The following POT1 variants were observed in gnomAD, a reference collection of about 807,000 sequenced individuals.
The protein encoded by POT1 is protection of telomeres 1.
Under a neutral mutation model 78.5 loss-of-function variants are expected in POT1, and 47 were observed. That is an observed-to-expected ratio of 0.60 (90% CI 0.47 to 0.76). POT1 has a LOEUF of 0.76. Ranked by LOEUF, POT1 falls within the 30% of genes least tolerant of loss-of-function variation. POT1 has a pLI of 0.00. For missense variants in POT1, 646 were observed against 749.9 expected, an observed-to-expected ratio of 0.86 and a Z score of 1.62; for synonymous variants, 259 against 260.7, an observed-to-expected ratio of 0.99 and a Z score of 0.06.
intron 7 of POT1, among the ~76,000 whole-genome samples, chr7:124,864,010 T>C (rs960973936): frequency 5.9e-5 from 9 of 152,114 alleles, no homozygotes; most frequent in Non-Finnish European, 1.2e-4. Flanking sequence ...ATGAATATTA[T>C]AGAAAAGACC....
rs1437868735 is a variant in POT1, at chr7:124,854,989, A to G, written c.703-1851T>C. Among the ~76,000 whole-genome samples the G allele has an allele frequency of 2.6e-5, 4 of 151,836 alleles. No individual in the cohort carries two copies. In the East Asian group the frequency reaches 5.8e-4, roughly 22 times the overall value. ...AAAAGGCTTTGATATTACAAAAATG[A>G]TAATTTCCTCCAAATTAAACTTTAA... On this transcript the variant is annotated intron_variant, in intron 9 of 18. Coordinates refer to ENST00000357628, the MANE Select transcript of POT1 (RefSeq NM_015450.3).
intron 2 of POT1, among the ~76,000 whole-genome samples, chr7:124,927,847 C>G (rs1300807141): frequency 6.6e-6 from 1 of 152,232 alleles, no homozygotes; most frequent in East Asian, 1.9e-4. Context: ...CAGAAGTTTC[C>G]TGAATTTCTC....
chr7:124,841,244 C>G (rs1415674245), intron 13 of POT1, 66 bp from the exon 14 acceptor site: 12 of 1,244,246 alleles, frequency 9.6e-6, no homozygotes, highest in Non-Finnish European at 1.4e-5. Flanking sequence ...TTCCATTTAA[C>G]AAGTTATCAA....
chr7:124,843,913 G>A lies in POT1; in HGVS notation c.1007-950C>T, dbSNP rs972838073. Among the ~76,000 whole-genome samples, 4 of 152,230 alleles carry A rather than the reference G, an allele frequency of 2.6e-5. No homozygotes were observed. The East Asian group carries it at 7.7e-4, about 29-fold the overall frequency. On this transcript the variant is annotated intron_variant, in intron 12 of 18. Transcript: ENST00000357628. ...CAGAAGTTTACCAACAAGGCTCTCT[G>A]TATCACTTAATTAGATATTTCAAGT... is the stretch of plus-strand genomic sequence containing the variant.
In POT1 at chr7:124,905,773, C is replaced by T. The variant is rs190711087; in HGVS notation, c.-153-7399G>A. Among the ~76,000 whole-genome samples the T allele has an allele frequency of 3.3e-3, 498 of 152,254 alleles. 2 individuals are homozygous for T. The highest frequency in any genetic ancestry group is 5.2e-3 in the Non-Finnish European group (354 of 68,014). On this transcript the variant is annotated intron_variant, in intron 3 of 18. Coordinates refer to ENST00000357628, the MANE Select transcript of POT1 (RefSeq NM_015450.3). ...GCTAATATCCAGAATCTACACGGAA[C>T]TTAAACAAATTTACAAGAAAAAAAT... is the stretch of plus-strand genomic sequence containing the variant.
chr7:124,852,060 G>T, intron 10 of POT1, 109 bp from the exon 11 acceptor site: 1 of 708,686 alleles, frequency 1.4e-6, no homozygotes, highest in Non-Finnish European at 2.4e-6. Context: ...ATAAAATTTT[G>T]TATGTATATG....
At chr7:124,913,173 T>G (rs1256924696) in intron 3 of POT1, among the ~76,000 whole-genome samples, 1 of 152,112 alleles carries the variant, frequency 6.6e-6, no homozygotes, top group Non-Finnish European at 1.5e-5. Context: ...TCCCACCAGG[T>G]TCCTCCCATG....
chr7:124,846,231 A>T (rs1373920464), intron 12 of POT1, among the ~76,000 whole-genome samples: 1 of 151,904 alleles, frequency 6.6e-6, no homozygotes, highest in East Asian at 1.9e-4. Flanking sequence ...TATGCGTATC[A>T]TACATACACA....
At chr7:124,857,091 A>G (rs187940224) in intron 9 of POT1, among the ~76,000 whole-genome samples, 2 of 152,276 alleles carry the variant, frequency 1.3e-5, no homozygotes, top group Admixed American at 1.3e-4. Flanking sequence ...CCAGAACAGT[A>G]TTGATGGTGA....
intron 6 of POT1, among the ~76,000 whole-genome samples, chr7:124,880,027 A>G (rs780083848): frequency 1.3e-5 from 2 of 152,046 alleles, no homozygotes; most frequent in African/African-American, 2.4e-5. Flanking sequence ...GCATATTCCC[A>G]ATAGTGTCAC....
intron 6 of POT1, among the ~76,000 whole-genome samples, chr7:124,871,999 G>C: frequency 6.6e-6 from 1 of 152,124 alleles, no homozygotes; most frequent in East Asian, 1.9e-4. Context: ...TATTGTATCA[G>C]TTGACCAACA....
intron 14 of POT1, among the ~76,000 whole-genome samples, chr7:124,838,330 T>TA (rs547979623): frequency 4.2e-4 from 63 of 149,556 alleles, no homozygotes; most frequent in African/African-American, 1.1e-3. Context: ...CAAGGTTAAT[T>TA]AAAAAAAAAA....
intron 9 of POT1, chr7:124,853,416 C>G (rs913837112): frequency 4.4e-6 from 1 of 225,368 alleles, no homozygotes; most frequent in African/African-American, 2.3e-5. Flanking sequence ...CATTTCAGAT[C>G]TATTAAAATG....
rs1410842025 is a variant in POT1 at position 124,835,384 on chromosome 7, G to T, written c.1400C>A (p.Ser467Ter). The change falls in exon 15 of 19, where the codon TCG becomes TAG. Residue 467 changes from serine to a stop codon, truncating the protein, a stop_gained. Transcript: ENST00000357628. LOFTEE classifies it high-confidence loss of function. ...GGTLSEICKL[S>*]NKFNSVIPVR... ...AGGAATTACACTATTAAACTTGTTC[G>T]AGAGTTTGCAAATTTCACTGAGTGT... 1.2e-6 allele frequency: 2 copies of T among 1,613,512 alleles called. No individual in the cohort carries two copies. The highest frequency in any genetic ancestry group is 1.7e-6 in the Non-Finnish European group (2 of 1,179,472).
chr7:124,894,525 C>T (rs1051245096), intron 5 of POT1, among the ~76,000 whole-genome samples: 9 of 151,572 alleles, frequency 5.9e-5, no homozygotes, highest in Non-Finnish European at 7.4e-5. Flanking sequence ...TTTATGTGTA[C>T]AACAGCTAAG....
chr7:124,860,465 GA>G (rs1795564160), intron 8 of POT1, among the ~76,000 whole-genome samples: 1 of 151,898 alleles, frequency 6.6e-6, no homozygotes, highest in African/African-American at 2.4e-5. Flanking sequence ...CTGTAAGAAA[GA>G]TAAATATATT....
intron 6 of POT1, among the ~76,000 whole-genome samples, chr7:124,888,946 T>C (rs1425501590): frequency 3.3e-5 from 5 of 151,884 alleles, no homozygotes; most frequent in African/African-American, 4.8e-5. Flanking sequence ...ATATTGAAAT[T>C]AGATGACTTG....
In POT1 at chr7:124,877,840, C is replaced by CAAAAAAAAAAAAAAAAAAAA. The variant is rs201285982; in HGVS notation, c.125-6819_125-6800dup. On this transcript the variant is annotated intron_variant, in intron 6 of 18. Transcript: ENST00000357628. ...TGGGCGACAGAGAGAGATTCTGTCT[C>CAAAAAAAAAAAAAAAAAAAA]AAAAAAAAAAAAAAAAAAAAAAAAA... 6.2e-4 allele frequency among the ~76,000 whole-genome samples: 50 copies of CAAAAAAAAAAAAAAAAAAAA among 80,560 alleles called. 4 individuals are homozygous for CAAAAAAAAAAAAAAAAAAAA. The highest frequency in any genetic ancestry group is 1.0e-3 in the Non-Finnish European group (37 of 36,920). 52.9% of individuals were successfully genotyped at this position (80,560 alleles called of 152,430 possible). A position where few individuals can be genotyped will look rare whatever the true frequency, so the allele number is the denominator to read the frequency against.
chr7:124,909,178 T>C (rs1394780320), intron 3 of POT1, among the ~76,000 whole-genome samples: 1 of 151,890 alleles, frequency 6.6e-6, no homozygotes, highest in Non-Finnish European at 1.5e-5. Flanking sequence ...GGAAAAGTCT[T>C]TCCTCATATT....
Sources: allele counts gnomAD v4.1 joint callset (sites outside exome capture counted in the v4.1 genomes callset), GRCh38; gene constraint gnomAD v4.1.1; transcripts MANE v1.5; gene names NCBI Gene and HGNC (gene_info 2026-07-23, HGNC 2026-07-21).